EPB41L5: variants seen among roughly 807,000 people sequenced by gnomAD.
EPB41L5 encodes the protein band 4.1-like protein 5.
Under a neutral mutation model 106.6 loss-of-function variants are expected in EPB41L5, and 55 were observed. The ratio of observed to expected loss-of-function variants is 0.52; its 90% CI spans 0.42 to 0.65. The LOEUF is 0.65. Among genes scored for constraint, EPB41L5 ranks in the 30% least tolerant of loss-of-function variants. The pLI is 0.00. For missense variants in EPB41L5, 871 were observed against 882.1 expected, an observed-to-expected ratio of 0.99 and a Z score of 0.16; for synonymous variants, 297 against 306.7, an observed-to-expected ratio of 0.97 and a Z score of 0.33.
chr2:120,087,312 G>T, intron 11 of EPB41L5, 72 bp downstream of exon 11: 1 of 906,846 alleles, frequency 1.1e-6, no homozygotes, highest in Non-Finnish European at 1.8e-6. Flanking sequence ...TTCTCTAAAA[G>T]AGGGAATGTA....
intron 20 of EPB41L5, among the ~76,000 whole-genome samples, chr2:120,156,261 C>T (rs769125513): frequency 5.9e-5 from 9 of 152,150 alleles, no homozygotes; most frequent in East Asian, 1.9e-4. Context: ...ACCTGCTTGC[C>T]GGGAAGCCTC....
intron 3 of EPB41L5, among the ~76,000 whole-genome samples, chr2:120,056,207 A>G (rs902723607): frequency 6.6e-6 from 1 of 152,028 alleles, no homozygotes; most frequent in Non-Finnish European, 1.5e-5. Flanking sequence ...AGTTTTTAAA[A>G]AATCTGTTTA....
At chr2:120,056,081 C>A (rs985227476) in intron 3 of EPB41L5, among the ~76,000 whole-genome samples, 13 of 151,930 alleles carry the variant, frequency 8.6e-5, no homozygotes, top group Admixed American at 8.5e-4. Context: ...TTATAGATGC[C>A]CTTAATCAGA....
chr2:120,081,016 G>A lies in EPB41L5; in HGVS notation c.803+2435G>A, dbSNP rs142625071. Among the ~76,000 whole-genome samples the A allele has an allele frequency of 5.1e-3, 779 of 151,918 alleles. 2 individuals are homozygous for A. The highest frequency in any genetic ancestry group is 0.017 in the African/African-American group (684 of 41,436). On this transcript the variant is annotated intron_variant, in intron 10 of 24. Coordinates refer to ENST00000263713, the MANE Select transcript of EPB41L5 (RefSeq NM_020909.4). ...TGTAGATTCTAGATATTAGCACTTT[G>A]TCAGATGGGTAGATTGCAAAACTTT...
At chr2:120,054,312 C>A (rs1390042593) in intron 3 of EPB41L5, among the ~76,000 whole-genome samples, 1 of 152,110 alleles carries the variant, frequency 6.6e-6, no homozygotes, top group Non-Finnish European at 1.5e-5. Context: ...GTACTCAGCC[C>A]TAGTCAGATA....
In EPB41L5 at chr2:120,167,777, C is replaced by T. The variant is rs992308724; in HGVS notation, c.2005-100C>T. The stretch of plus-strand genomic sequence containing the variant: ...CAGTCATAATTATCAAAACCATCTT[C>T]GTTAATCTCATAGTCATTAGTGAAG... On this transcript the variant is annotated intron_variant, in intron 23 of 24. Transcript: ENST00000263713. 24 of 1,395,318 alleles carry T rather than the reference C, an allele frequency of 1.7e-5. No individual in the cohort carries two copies. In the East Asian group the frequency reaches 2.1e-4, roughly 12 times the overall value. 86.4% of individuals were successfully genotyped at this position (1,395,318 alleles called of 1,614,324 possible). A position where few individuals can be genotyped will look rare whatever the true frequency, so the allele number is the denominator to read the frequency against.
At chr2:120,124,907 T>C (rs1377146084) in intron 16 of EPB41L5, among the ~76,000 whole-genome samples, 1 of 152,188 alleles carries the variant, frequency 6.6e-6, no homozygotes, top group African/African-American at 2.4e-5. Flanking sequence ...TACTAATGTT[T>C]TGTTAAGGTG....
chr2:120,162,396 A>G (rs545009477), intron 21 of EPB41L5, among the ~76,000 whole-genome samples: 21 of 152,354 alleles, frequency 1.4e-4, no homozygotes, highest in Non-Finnish European at 2.6e-4. Context: ...CATAATGTAC[A>G]TCTGTTGTAA....
intron 16 of EPB41L5, among the ~76,000 whole-genome samples, chr2:120,127,411 A>G (rs945108901): frequency 2.0e-5 from 3 of 152,198 alleles, no homozygotes; most frequent in Non-Finnish European, 4.4e-5. Flanking sequence ...CTTATATGAA[A>G]TGGTGTCGTG....
At chr2:120,094,001 G>C (rs1359831885) in intron 14 of EPB41L5, among the ~76,000 whole-genome samples, 1 of 151,850 alleles carries the variant, frequency 6.6e-6, no homozygotes, top group African/African-American at 2.4e-5. Flanking sequence ...GGTAGGGGAC[G>C]TGCAGGGCCT....
intron 3 of EPB41L5, among the ~76,000 whole-genome samples, chr2:120,060,213 T>C (rs1680941790): frequency 2.6e-5 from 4 of 152,238 alleles, no homozygotes; most frequent in Non-Finnish European, 5.9e-5. Flanking sequence ...CAGTTTCTTT[T>C]AAAACTAAAC....
chr2:120,118,810 TG>T (rs1459011270), intron 16 of EPB41L5, among the ~76,000 whole-genome samples: 1 of 152,228 alleles, frequency 6.6e-6, no homozygotes, highest in Non-Finnish European at 1.5e-5. Context: ...TATGCATGCA[TG>T]TATTTCTACA....
chr2:120,119,596 A>G (rs1685115667), intron 16 of EPB41L5, among the ~76,000 whole-genome samples: 2 of 151,894 alleles, frequency 1.3e-5, no homozygotes, highest in East Asian at 3.9e-4. Context: ...TCCCAGCACT[A>G]TTTATGAAAT....
intron 3 of EPB41L5, among the ~76,000 whole-genome samples, chr2:120,063,507 G>GA: frequency 6.6e-6 from 1 of 152,160 alleles, no homozygotes; most frequent in South Asian, 2.1e-4. Flanking sequence ...CATAACTCGT[G>GA]AAAAAACTAC....
chr2:120,014,215 T>C (rs1677353094), intron 1 of EPB41L5, among the ~76,000 whole-genome samples: 1 of 152,264 alleles, frequency 6.6e-6, no homozygotes. Flanking sequence ...ACATATTTCA[T>C]GACTAACTTT....
chr2:120,079,642 G>C (rs1213093388), intron 10 of EPB41L5, among the ~76,000 whole-genome samples: 2 of 152,124 alleles, frequency 1.3e-5, no homozygotes, highest in African/African-American at 4.8e-5. Flanking sequence ...CGGAAGTCCT[G>C]GAACTCACAA....
intron 16 of EPB41L5, among the ~76,000 whole-genome samples, chr2:120,113,906 A>G (rs1684837116): frequency 6.6e-6 from 1 of 152,148 alleles, no homozygotes; most frequent in Non-Finnish European, 1.5e-5. Flanking sequence ...ATCCATTGTC[A>G]GTTGATAGAT....
chr2:120,039,034 C>A (rs1401694206), intron 2 of EPB41L5, among the ~76,000 whole-genome samples: 1 of 152,062 alleles, frequency 6.6e-6, no homozygotes, highest in Non-Finnish European at 1.5e-5. Flanking sequence ...ACGGATGAAC[C>A]TTAAAAATAC....
At chr2:120,118,329 A>C (rs778571163) in intron 16 of EPB41L5, among the ~76,000 whole-genome samples, 2 of 152,148 alleles carry the variant, frequency 1.3e-5, no homozygotes, top group Non-Finnish European at 2.9e-5. Flanking sequence ...TCTCAGACCT[A>C]AATTTATTTA....
Sources: allele counts gnomAD v4.1 joint callset (sites outside exome capture counted in the v4.1 genomes callset), GRCh38; gene constraint gnomAD v4.1.1; transcripts MANE v1.5; gene names NCBI Gene and HGNC (gene_info 2026-07-23, HGNC 2026-07-21).